The following GRIK4 variants were observed in gnomAD, a reference collection of about 807,000 sequenced individuals.
GRIK4 encodes glutamate receptor ionotropic, kainate 4.
GRIK4 carries 40 observed loss-of-function variants against 104.9 expected under a neutral mutation model. The ratio of observed to expected loss-of-function variants is 0.38; its 90% CI spans 0.30 to 0.50. The LOEUF (loss-of-function observed/expected upper bound fraction) is 0.50. Ranked by LOEUF, GRIK4 falls within the 20% of genes least tolerant of loss-of-function variation. GRIK4 has a pLI of 0.93. For missense variants in GRIK4, 1,047 were observed against 1,308.1 expected, an observed-to-expected ratio of 0.80 and a Z score of 3.08; for synonymous variants, 485 against 524.9, an observed-to-expected ratio of 0.92 and a Z score of 1.04.
At chr11:120,882,525 G>C (rs528225416) in intron 11 of GRIK4, among the ~76,000 whole-genome samples, 5 of 152,200 alleles carry the variant, frequency 3.3e-5, no homozygotes, top group East Asian at 3.8e-4. Context: ...AGGAAACTTC[G>C]AGACGGCAGA....
intron 1 of GRIK4, among the ~76,000 whole-genome samples, chr11:120,610,127 A>G (rs536271048): frequency 6.6e-6 from 1 of 152,082 alleles, no homozygotes; most frequent in South Asian, 2.1e-4. Context: ...CGATGCTCGG[A>G]GCAGGAGTCT....
At chr11:120,532,437 G>A (rs1947933257) in intron 1 of GRIK4, among the ~76,000 whole-genome samples, 1 of 152,208 alleles carries the variant, frequency 6.6e-6, no homozygotes, top group East Asian at 1.9e-4. Flanking sequence ...TCTCAGAGGG[G>A]GAGAGGGTAT....
chr11:120,611,157 G>A (rs12278678), intron 1 of GRIK4, among the ~76,000 whole-genome samples: 43,999 of 151,940 alleles, frequency 0.29, 7,274 homozygotes, highest in Non-Finnish European at 0.38. Context: ...GCCCCTCGAT[G>A]ACTCCCTTGG....
intron 4 of GRIK4, among the ~76,000 whole-genome samples, chr11:120,807,662 A>C (rs1234397365): frequency 6.6e-6 from 1 of 151,438 alleles, no homozygotes; most frequent in East Asian, 1.9e-4. Flanking sequence ...CTTAAGGAAA[A>C]AAAAGTAAGA....
intron 11 of GRIK4, chr11:120,894,417 T>G (rs944863425): frequency 3.9e-5 from 6 of 152,228 alleles, no homozygotes; most frequent in Non-Finnish European, 8.8e-5. Flanking sequence ...GAAGTCCAGC[T>G]CGAACTCTGC....
intron 1 of GRIK4, among the ~76,000 whole-genome samples, chr11:120,601,646 G>GGT (rs1742976789): frequency 1.1e-5 from 1 of 91,186 alleles, no homozygotes; most frequent in Non-Finnish European, 2.3e-5. Context: ...TTGTGTGTGT[G>GGT]GTTTTTTTTT....
intron 3 of GRIK4, among the ~76,000 whole-genome samples, chr11:120,794,388 G>A (rs1952469773): frequency 6.6e-6 from 1 of 151,934 alleles, no homozygotes; most frequent in Non-Finnish European, 1.5e-5. Flanking sequence ...GATGGTTAGA[G>A]GTAAACGGCG....
In GRIK4 at chr11:120,524,958, C is replaced by T. The variant is rs2136076497; in HGVS notation, c.-159+13071C>T. ...AGTCCACCTTCCGTCTTCTTGGCTT[C>T]TGGAGCCCATCAGGGGCTGCACCAT... On this transcript the variant is annotated intron_variant, in intron 1 of 20. Coordinates refer to ENST00000527524, the MANE Select transcript of GRIK4 (RefSeq NM_014619.5). This position sits in a 1 kb window ranked among gnomAD's most constrained non-coding sequence, Gnocchi z 4.5. Among the ~76,000 whole-genome samples, 1 of 152,314 alleles carries T rather than the reference C, an allele frequency of 6.6e-6. No individual in the cohort carries two copies. Among genetic ancestry groups the T allele is most frequent in the South Asian group, 2.1e-4 (1 of 4,826 alleles).
chr11:120,535,689 A>G (rs929031252), intron 1 of GRIK4, among the ~76,000 whole-genome samples: 2 of 152,200 alleles, frequency 1.3e-5, no homozygotes, highest in African/African-American at 4.8e-5. Flanking sequence ...TGCATGAAAC[A>G]CTTACTACCT....
rs550205730 is a variant in GRIK4, at chr11:120,939,221, T to G, written c.1477-1126T>G. On this transcript the variant is annotated intron_variant, in intron 13 of 20. Transcript: ENST00000527524. The surrounding 1 kb of genome is among the most constrained non-coding windows in gnomAD (Gnocchi z 5.6). ...ATTTAAATTAGATACAAGGAAAAACTTCCTGACATAGAAGAGTATGAGGAA... is the reference window on the plus strand; with the variant it reads ...ATTTAAATTAGATACAAGGAAAAACGTCCTGACATAGAAGAGTATGAGGAA... Among the ~76,000 whole-genome samples the G allele has an allele frequency of 6.6e-6, 1 of 152,302 alleles. No homozygotes were observed. The highest frequency in any genetic ancestry group is 1.9e-4 in the East Asian group (1 of 5,192).
At chr11:120,985,469 T>TG (rs1944726228) in intron 20 of GRIK4, among the ~76,000 whole-genome samples, 1 of 152,126 alleles carries the variant, frequency 6.6e-6, no homozygotes, top group South Asian at 2.1e-4. Flanking sequence ...CATAGAGACA[T>TG]GGTGGCCTTT....
chr11:120,871,679 A>G (rs1391896212), intron 9 of GRIK4: 2 of 456,388 alleles, frequency 4.4e-6, no homozygotes, highest in Non-Finnish European at 4.4e-6. Context: ...GGCCTGATCC[A>G]GTATCTCTGT....
chr11:120,762,061 T>C (rs1014533557), intron 3 of GRIK4, among the ~76,000 whole-genome samples: 1 of 152,222 alleles, frequency 6.6e-6, no homozygotes, highest in African/African-American at 2.4e-5. Context: ...TTTCATGATA[T>C]TCTTCCTATC....
chr11:120,709,851 C>T (rs111909157), intron 3 of GRIK4, among the ~76,000 whole-genome samples: 1,914 of 152,150 alleles, frequency 0.013, 20 homozygotes, highest in Middle Eastern at 0.034. Flanking sequence ...ATAAAATGGC[C>T]GGGATGCTCT....
intron 20 of GRIK4, among the ~76,000 whole-genome samples, 164 bp from the exon 21 acceptor site, chr11:120,985,740 G>GTT (rs1406570706): frequency 6.6e-6 from 1 of 152,068 alleles, no homozygotes; most frequent in Non-Finnish European, 1.5e-5. Context: ...AACATTAAAT[G>GTT]GGAGTGGAGT....
At chr11:120,742,099 AT>A (rs1486806036) in intron 3 of GRIK4, among the ~76,000 whole-genome samples, 1 of 152,154 alleles carries the variant, frequency 6.6e-6, no homozygotes, top group Non-Finnish European at 1.5e-5. Context: ...TAATCCCAGC[AT>A]TTTGAGAGGC....
intron 3 of GRIK4, among the ~76,000 whole-genome samples, chr11:120,729,744 G>C (rs1006629841): frequency 2.0e-4 from 31 of 152,130 alleles, no homozygotes; most frequent in African/African-American, 7.0e-4. Flanking sequence ...TTCCTTTGCT[G>C]TGCAGAAGTT....
rs143766952 is a variant in GRIK4, at chr11:120,984,135, T to C, written c.2515-1769T>C. ...AAAGCTCACCCATGGTCTGGAAGTA[T>C]ATTGAAAAATTCAGCAAGTAGTTAG... On this transcript the variant is annotated intron_variant, in intron 20 of 20. Transcript: ENST00000527524. 5.3e-3 allele frequency among the ~76,000 whole-genome samples: 805 copies of C among 152,316 alleles called. 8 individuals are homozygous for C. The highest frequency in any genetic ancestry group is 0.018 in the African/African-American group (764 of 41,558).
intron 1 of GRIK4, among the ~76,000 whole-genome samples, chr11:120,551,450 G>A (rs1948138875): frequency 6.6e-6 from 1 of 152,168 alleles, no homozygotes; most frequent in Admixed American, 6.5e-5. Flanking sequence ...AGGCCGTTCT[G>A]CATCCAGATC....
Sources: allele counts gnomAD v4.1 joint callset (sites outside exome capture counted in the v4.1 genomes callset), GRCh38; gene constraint gnomAD v4.1.1; non-coding constraint Gnocchi (gnomAD v3.1); transcripts MANE v1.5; gene names NCBI Gene and HGNC (gene_info 2026-07-23, HGNC 2026-07-21).